The following CTPS1 variants were observed in gnomAD, a reference collection of about 807,000 sequenced individuals.
CTPS1 encodes the protein CTP synthase 1, also known as CTP synthetase 1.
CTPS1 carries 25 observed loss-of-function variants against 80.5 expected under a neutral mutation model. The ratio of observed to expected loss-of-function variants is 0.31; its 90% CI spans 0.23 to 0.43. The LOEUF is 0.43. Ranked by LOEUF, CTPS1 falls within the 20% of genes least tolerant of loss-of-function variation. The pLI is 1.00. For synonymous variants in CTPS1, 267 were observed against 252.5 expected, an observed-to-expected ratio of 1.06 and a Z score of -0.54; for missense variants, 442 against 725.7, an observed-to-expected ratio of 0.61 and a Z score of 4.49.
chr1:41,001,489 TA>T (rs1309850900), intron 10 of CTPS1: 3 of 254,804 alleles, frequency 1.2e-5, no homozygotes, highest in Non-Finnish European at 2.3e-5. Context: ...AGTTGAATAT[TA>T]CGGAGGTGTA....
intron 14 of CTPS1, among the ~76,000 whole-genome samples, chr1:41,008,336 C>A (rs1373711649): frequency 6.6e-6 from 1 of 152,146 alleles, no homozygotes; most frequent in Non-Finnish European, 1.5e-5. Flanking sequence ...CAGGGCCTTG[C>A]CGTTTCGTAC....
intron 9 of CTPS1, among the ~76,000 whole-genome samples, chr1:40,998,473 T>C (rs1408495297): frequency 6.7e-6 from 1 of 149,068 alleles, no homozygotes; most frequent in African/African-American, 2.5e-5. Context: ...CTCTGTCATC[T>C]ACAAGCGGTG....
chr1:40,994,571 G>C (rs1300061633), intron 7 of CTPS1, among the ~76,000 whole-genome samples: 1 of 152,116 alleles, frequency 6.6e-6, no homozygotes, highest in Non-Finnish European at 1.5e-5. Flanking sequence ...AATTCTATTA[G>C]TACTGATTGT....
At chr1:40,995,878 T>G (rs1642739598) in intron 7 of CTPS1, 39 bp from the exon 8 acceptor site, 3 of 1,597,670 alleles carry the variant, frequency 1.9e-6, no homozygotes, top group Non-Finnish European at 2.6e-6. Context: ...GCCTGGTGAG[T>G]TTTTGCTTTT....
intron 10 of CTPS1, 64 bp from the exon 11 acceptor site, chr1:41,002,096 C>T (rs558968968): frequency 2.1e-5 from 30 of 1,441,862 alleles, no homozygotes; most frequent in African/African-American, 1.5e-4. Flanking sequence ...GCCCGTTAGG[C>T]GATTATTGCA....
intron 7 of CTPS1, among the ~76,000 whole-genome samples, chr1:40,992,704 T>A (rs75867538): frequency 8.6e-5 from 12 of 139,370 alleles, no homozygotes; most frequent in South Asian, 4.7e-4. Flanking sequence ...TTTTTTTTTT[T>A]AATTGAGACA....
At chr1:41,010,673 G>A (rs182172323) in intron 18 of CTPS1, among the ~76,000 whole-genome samples, 4 of 152,288 alleles carry the variant, frequency 2.6e-5, no homozygotes. Context: ...TGTGGCACTT[G>A]TCATTTCTGC....
intron 10 of CTPS1, 36 bp from the exon 11 acceptor site, chr1:41,002,124 A>C (rs1435605803): frequency 6.3e-7 from 1 of 1,593,566 alleles, no homozygotes; most frequent in East Asian, 2.2e-5. Context: ...CTGGTAGAAA[A>C]GGGGAATTGC....
At chr1:41,010,033 T>C in intron 17 of CTPS1, 128 bp from the exon 18 acceptor site, 1 of 625,212 alleles carries the variant, frequency 1.6e-6, no homozygotes, top group East Asian at 2.7e-5. Flanking sequence ...ATATATTATG[T>C]AGCAAACAGT....
chr1:40,984,698 A>G, intron 2 of CTPS1, 123 bp from the exon 3 acceptor site: 1 of 722,150 alleles, frequency 1.4e-6, no homozygotes, highest in Non-Finnish European at 2.1e-6. Context: ...CTAGAAGTGA[A>G]TTTCTGTGCT....
chr1:40,985,785 G>A (rs1301899128), intron 3 of CTPS1, among the ~76,000 whole-genome samples: 2 of 152,134 alleles, frequency 1.3e-5, no homozygotes, highest in African/African-American at 2.4e-5. Flanking sequence ...TTGGATCTTA[G>A]CTTCCCCTCT....
rs1477422544 is a variant in CTPS1, at chr1:41,007,131, C to T, written c.1297-318C>T. Among the ~76,000 whole-genome samples the T allele has an allele frequency of 2.6e-5, 4 of 152,154 alleles. No homozygotes were observed. The highest frequency in any genetic ancestry group is 7.2e-5 in the African/African-American group (3 of 41,428). On this transcript the variant is annotated intron_variant, in intron 13 of 18. Coordinates refer to ENST00000650070, the MANE Select transcript of CTPS1 (RefSeq NM_001905.4). The surrounding 1 kb of genome is among the most constrained non-coding windows in gnomAD (Gnocchi z 4.4). ...CAGACATGTTATGACACATCCAGTC[C>T]GTGTCTGTGCTACTGTATCAGTCTT...
chr1:40,987,528 C>T (rs944805672), intron 4 of CTPS1, 56 bp downstream of exon 4: 2 of 1,261,714 alleles, frequency 1.6e-6, no homozygotes, highest in South Asian at 1.2e-5. Context: ...AGTCAGCCAT[C>T]AATAACTGAT....
intron 1 of CTPS1, chr1:40,980,851 C>G (rs1379366184): frequency 6.5e-6 from 1 of 153,062 alleles, no homozygotes; most frequent in Non-Finnish European, 1.5e-5. Context: ...GCTTCCCCGC[C>G]TTCCCCCTCA....
At chr1:40,987,582 C>T in intron 4 of CTPS1, 110 bp downstream of exon 4, 1 of 772,728 alleles carries the variant, frequency 1.3e-6, no homozygotes, top group Non-Finnish European at 2.2e-6. Context: ...ATCTCTGGTG[C>T]AGTATGTTGC....
At chr1:40,997,173 C>G (rs191673851) in intron 8 of CTPS1, 2 of 494,076 alleles carry the variant, frequency 4.0e-6, no homozygotes, top group Non-Finnish European at 3.6e-6. Flanking sequence ...CACACTGTTG[C>G]CCAGGCTGTA....
chr1:40,985,054 A>G lies in CTPS1; in HGVS notation c.337+63A>G, dbSNP rs1197449623. On this transcript the variant is annotated intron_variant, in intron 3 of 18. Transcript: ENST00000650070. ...ACCAGTTTAATTTCTTCTCCCTCCC[A>G]CCTCTACACAGATGTGTAATTCCCT... 3 of 1,184,288 alleles carry G rather than the reference A, an allele frequency of 2.5e-6. No individual in the cohort carries two copies. In the African/African-American group the frequency reaches 4.6e-5, roughly 18 times the overall value. 73.4% of individuals were successfully genotyped at this position (1,184,288 alleles called of 1,614,324 possible). A position where few individuals can be genotyped will look rare whatever the true frequency, so the allele number is the denominator to read the frequency against.
chr1:41,002,012 G>A lies in CTPS1; in HGVS notation c.1095-148G>A, dbSNP rs1300833389. 4 of 710,162 alleles carry A rather than the reference G, an allele frequency of 5.6e-6. No individual in the cohort carries two copies. The Admixed American group carries it at 8.9e-5, about 16-fold the overall frequency. 44.0% of individuals were successfully genotyped at this position (710,162 alleles called of 1,614,324 possible). A position where few individuals can be genotyped will look rare whatever the true frequency, so the allele number is the denominator to read the frequency against. ...TTCATATGCAGTTTCTAAGTTGATA[G>A]TGTTTACATACAATTCATTGTCACA... On this transcript the variant is annotated intron_variant, in intron 10 of 18. Transcript: ENST00000650070.
chr1:41,007,585 G>A lies in CTPS1; in HGVS notation c.1393+40G>A, dbSNP rs201279082. 1.2e-4 allele frequency: 184 copies of A among 1,570,486 alleles called. 1 individual carries two copies. The Admixed American group carries it at 2.7e-3, about 23-fold the overall frequency. On this transcript the variant is annotated intron_variant, in intron 14 of 18. Transcript: ENST00000650070. The surrounding 1 kb of genome is among the most constrained non-coding windows in gnomAD (Gnocchi z 4.4). ...ACGCTGGCCCAGCCTTTGGCTCTGC[G>A]TGCCCAGGACGCGTGTCTTAGGGTG...
Sources: gnomAD v4.1 joint callset for allele counts (sites outside exome capture counted in the v4.1 genomes callset) on GRCh38, gnomAD v4.1.1 for gene constraint, Gnocchi (gnomAD v3.1) non-coding constraint, MANE v1.5 for transcripts, NCBI Gene and HGNC (gene_info 2026-07-23, HGNC 2026-07-21) for gene names.